ARHGAP6: variants seen among roughly 807,000 people sequenced by gnomAD.
ARHGAP6 encodes the protein rho GTPase-activating protein 6.
ARHGAP6 carries 16 observed loss-of-function variants against 55.7 expected under a neutral mutation model. The observed-to-expected ratio is 0.29, with a 90% CI of 0.19 to 0.44. The LOEUF (loss-of-function observed/expected upper bound fraction) is 0.44. Ranked by LOEUF, ARHGAP6 falls within the 20% of genes least tolerant of loss-of-function variation. The pLI is 1.00. For missense variants in ARHGAP6, 698 were observed against 808.9 expected, an observed-to-expected ratio of 0.86 and a Z score of 1.66; for synonymous variants, 382 against 360.9, an observed-to-expected ratio of 1.06 and a Z score of -0.66.
At chrX:11,152,798 G>C (rs945315646) in intron 10 of ARHGAP6, among the ~76,000 whole-genome samples, 1 of 112,199 alleles carries the variant, frequency 8.9e-6, no homozygotes, top group African/African-American at 3.2e-5. Flanking sequence ...TATCCAACGT[G>C]GTAGATCTAA....
intron 1 of ARHGAP6, among the ~76,000 whole-genome samples, chrX:11,651,510 T>C (rs1218189433): frequency 8.9e-6 from 1 of 112,365 alleles, no homozygotes; most frequent in Non-Finnish European, 1.9e-5. Flanking sequence ...ATGGTGTGTA[T>C]GTACCACATT....
At chrX:11,625,687 A>G (rs771379153) in intron 1 of ARHGAP6, among the ~76,000 whole-genome samples, 11 of 112,298 alleles carry the variant, frequency 9.8e-5, no homozygotes, top group South Asian at 7.3e-4. Context: ...GAAGATTTGA[A>G]ATGTTCCCAA....
At chrX:11,531,464 C>A (rs2147888449) in intron 1 of ARHGAP6, among the ~76,000 whole-genome samples, 1 of 111,107 alleles carries the variant, frequency 9.0e-6, no homozygotes, top group African/African-American at 3.3e-5. Flanking sequence ...TGAAGCAAAA[C>A]CCATTTCTCT....
chrX:11,371,850 G>A (rs181680260), intron 1 of ARHGAP6, among the ~76,000 whole-genome samples: 5 of 112,150 alleles, frequency 4.5e-5, no homozygotes, highest in Non-Finnish European at 7.5e-5. Context: ...GTTGATCCAC[G>A]ACTCTGCTGT....
intron 1 of ARHGAP6, among the ~76,000 whole-genome samples, chrX:11,354,327 CTATATATA>C (rs1174449401): frequency 6.5e-4 from 21 of 32,347 alleles, no homozygotes; most frequent in African/African-American, 2.4e-3. Flanking sequence ...CTCTCTCTCT[CTATATATA>C]TATATATATA....
intron 2 of ARHGAP6, among the ~76,000 whole-genome samples, chrX:11,208,337 C>T (rs984477997): frequency 1.6e-4 from 18 of 110,971 alleles, no homozygotes; most frequent in Admixed American, 1.3e-3. Flanking sequence ...ATAGTGACTT[C>T]GACCCAGTTC....
At chrX:11,528,228 A>G (rs1387437487) in intron 1 of ARHGAP6, among the ~76,000 whole-genome samples, 1 of 112,213 alleles carries the variant, frequency 8.9e-6, no homozygotes, top group African/African-American at 3.2e-5. Flanking sequence ...CCAAAGTCTT[A>G]TTAAATTCAA....
intron 1 of ARHGAP6, among the ~76,000 whole-genome samples, chrX:11,492,941 C>G (rs2050585711): frequency 9.0e-6 from 1 of 111,593 alleles, no homozygotes; most frequent in African/African-American, 3.3e-5. Flanking sequence ...TCACTCCTTA[C>G]CACTAGACAA....
chrX:11,643,516 A>T (rs911472290), intron 1 of ARHGAP6, among the ~76,000 whole-genome samples: 2 of 112,281 alleles, frequency 1.8e-5, no homozygotes, highest in East Asian at 5.5e-4. Flanking sequence ...AAGTACAAAA[A>T]TGCAAAAGAG....
At chrX:11,406,403 C>T (rs1276673773) in intron 1 of ARHGAP6, among the ~76,000 whole-genome samples, 1 of 110,943 alleles carries the variant, frequency 9.0e-6, no homozygotes, top group Non-Finnish European at 1.9e-5. Context: ...AGATAATGAT[C>T]TTTTTTCCTT....
Position 11,358,742 on chromosome X carries a change from A to G in ARHGAP6, c.589-104035T>C, listed in dbSNP as rs755385098. On this transcript the variant is annotated intron_variant, in intron 1 of 12. Coordinates refer to ENST00000337414, the MANE Select transcript of ARHGAP6 (RefSeq NM_013427.3). ...GGTGATCCGTCCACCTTGGCCACCCAAAGTGCTGGGATTACAGGCGTGAGC... is the reference window on the plus strand; with the variant it reads ...GGTGATCCGTCCACCTTGGCCACCCGAAGTGCTGGGATTACAGGCGTGAGC... 1.3e-4 allele frequency among the ~76,000 whole-genome samples: 14 copies of G among 111,368 alleles called. No individual in the cohort carries two copies. The South Asian group carries it at 5.2e-3, about 42-fold the overall frequency.
At chrX:11,195,472 T>C (rs989025204) in intron 3 of ARHGAP6, among the ~76,000 whole-genome samples, 17 of 111,398 alleles carry the variant, frequency 1.5e-4, no homozygotes, top group African/African-American at 5.2e-4. Context: ...AAAGTTTTAG[T>C]TTCCTAAATA....
At chrX:11,660,271 C>T (rs192688366) in intron 1 of ARHGAP6, among the ~76,000 whole-genome samples, 1,177 of 109,835 alleles carry the variant, frequency 0.011, 5 homozygotes, top group Non-Finnish European at 0.019. Flanking sequence ...AATTATCCCC[C>T]CAGTAGAGGC....
intron 2 of ARHGAP6, among the ~76,000 whole-genome samples, chrX:11,236,590 A>G (rs769705505): frequency 3.6e-5 from 4 of 111,731 alleles, no homozygotes; most frequent in Non-Finnish European, 7.5e-5. Flanking sequence ...ACAATTTCCA[A>G]GCTCTAAATA....
chrX:11,619,689 T>C (rs1371053567), intron 1 of ARHGAP6, among the ~76,000 whole-genome samples: 2 of 112,274 alleles, frequency 1.8e-5, no homozygotes, highest in Non-Finnish European at 3.8e-5. Flanking sequence ...AAACAACAGA[T>C]GAGCATATCA....
chrX:11,357,389 G>A (rs148622567), intron 1 of ARHGAP6, among the ~76,000 whole-genome samples: 1,547 of 111,563 alleles, frequency 0.014, 26 homozygotes, highest in African/African-American at 0.047. Context: ...AATCCAGGGG[G>A]TCCTGATTCA....
chrX:11,629,358 T>A (rs1374056362), intron 1 of ARHGAP6, among the ~76,000 whole-genome samples: 1 of 111,310 alleles, frequency 9.0e-6, no homozygotes, highest in African/African-American at 3.3e-5. Context: ...ATTTAACATA[T>A]GTCTTTAATC....
chrX:11,474,454 C>T (rs1321393229), intron 1 of ARHGAP6, among the ~76,000 whole-genome samples: 1 of 112,326 alleles, frequency 8.9e-6, no homozygotes, highest in Non-Finnish European at 1.9e-5. Flanking sequence ...AGATGGAATG[C>T]TAGACAGCAA....
Position 11,390,905 on chromosome X carries a change from G to T in ARHGAP6, c.589-136198C>A, listed in dbSNP as rs1212270914. Among the ~76,000 whole-genome samples, 5 of 111,998 alleles carry T rather than the reference G, an allele frequency of 4.5e-5. No homozygotes were observed. The East Asian group carries it at 1.1e-3, about 25-fold the overall frequency. On this transcript the variant is annotated intron_variant, in intron 1 of 12. Coordinates refer to ENST00000337414, the MANE Select transcript of ARHGAP6 (RefSeq NM_013427.3). ...TTCAACCATTGTGGAAGACAGTGTGGTGATTCCTCAGGGATCTAGAACTAG... is the reference window on the plus strand; with the variant it reads ...TTCAACCATTGTGGAAGACAGTGTGTTGATTCCTCAGGGATCTAGAACTAG...
Sources: gnomAD v4.1 joint callset for allele counts (sites outside exome capture counted in the v4.1 genomes callset) on GRCh38, gnomAD v4.1.1 for gene constraint, MANE v1.5 for transcripts, NCBI Gene and HGNC (gene_info 2026-07-23, HGNC 2026-07-21) for gene names.